The following ZNF469 variants were observed in gnomAD, a reference collection of about 807,000 sequenced individuals.
The protein encoded by ZNF469 is zinc finger protein 469.
ZNF469 carries 1 observed loss-of-function variant against 1.0 expected under a neutral mutation model. The observed-to-expected ratio is 1.00, with a 90% confidence interval of 0.35 to 4.73. ZNF469 has a LOEUF of 4.73. ZNF469 is among the 30% of genes most tolerant of loss of function. The pLI, the probability that ZNF469 is intolerant of heterozygous loss-of-function variation, is 0.16. For synonymous variants in ZNF469, 2,703 were observed against 2,363.4 expected, an observed-to-expected ratio of 1.14 and a Z score of -4.17; for missense variants, 6,100 against 5,356.3, an observed-to-expected ratio of 1.14 and a Z score of -4.33.
chr16:88,380,713 C>T (rs1020347746), upstream of ZNF469, among the ~76,000 whole-genome samples: 9 of 146,486 alleles, frequency 6.1e-5, no homozygotes, highest in Non-Finnish European at 1.3e-4. Flanking sequence ...CTCAGACATG[C>T]ACTCATACAC....
At chr16:88,227,904 G>A in the ZNF469 span, among the ~76,000 whole-genome samples, 1 of 152,056 alleles carries the variant, frequency 6.6e-6, no homozygotes, top group Non-Finnish European at 1.5e-5. Context: ...ATTATTATGG[G>A]ACCTTGGCTC....
At chr16:88,261,605 G>C in the ZNF469 span, among the ~76,000 whole-genome samples, 1 of 152,178 alleles carries the variant, frequency 6.6e-6, no homozygotes, top group African/African-American at 2.4e-5. This position sits in a 1 kb window ranked among gnomAD's most constrained non-coding sequence, Gnocchi z 6.0. Context: ...TCATTTTGGT[G>C]GATTGAGAAC....
chr16:88,122,451 G>A, the ZNF469 span, among the ~76,000 whole-genome samples: 73 of 149,986 alleles, frequency 4.9e-4, 2 homozygotes, highest in East Asian at 0.013. Flanking sequence ...CACTCGCTAC[G>A]GCCACGGCAG....
rs962477225 is a variant in ZNF469, at chr16:88,400,509, G to A, written c.-192+17255G>A. Among the ~76,000 whole-genome samples, 8 of 152,288 alleles carry A rather than the reference G, an allele frequency of 5.3e-5. No individual in the cohort carries two copies. The East Asian group carries it at 9.7e-4, about 18-fold the overall frequency. On this transcript the variant is annotated intron_variant, in intron 1 of 2. Coordinates refer to ENST00000565624, the MANE Select transcript of ZNF469 (RefSeq NM_001367624.2). ...TGTGGGTCTTGGAAGCAGTTTGCTC[G>A]TCCCTGCTTTCCGGAACCTCTAAGC...
chr16:88,412,766 A>G (rs1304375412), intron 1 of ZNF469, among the ~76,000 whole-genome samples: 3 of 152,238 alleles, frequency 2.0e-5, no homozygotes, highest in Non-Finnish European at 4.4e-5. Flanking sequence ...GAGAACGCTC[A>G]CACACCATAA....
At chr16:88,157,697 G>A in the ZNF469 span, among the ~76,000 whole-genome samples, 411 of 152,310 alleles carry the variant, frequency 2.7e-3, 1 homozygote, top group Admixed American at 3.1e-3. Flanking sequence ...GAAATGCCCA[G>A]CTCCCCGCTC....
At chr16:88,150,125 T>C in the ZNF469 span, among the ~76,000 whole-genome samples, 1 of 152,152 alleles carries the variant, frequency 6.6e-6, no homozygotes, top group African/African-American at 2.4e-5. Flanking sequence ...CTGGCCAACA[T>C]GGTGAAACCC....
the ZNF469 span, among the ~76,000 whole-genome samples, chr16:88,370,857 A>G: frequency 6.6e-6 from 1 of 152,258 alleles, no homozygotes; most frequent in Non-Finnish European, 1.5e-5. Flanking sequence ...TGCAAGTAGA[A>G]AAAGCTTGGA....
chr16:88,430,156 A>G lies in ZNF469; in HGVS notation c.2686A>G (p.Lys896Glu). The stretch of plus-strand genomic sequence containing the variant: ...CAAGGCGGGGGTGACTCCAGAGAGC[A>G]AAGCTCCGCCCCCGCTCCCAGCAGC... ...KSKAGVTPES[K>E]APPPLPAATP... Residue 896 changes from lysine (K) to glutamate (E), a missense_variant, in exon 3 of 3, where the codon AAA becomes GAA. By Grantham distance (56) the Lys-to-Glu change is moderately conservative. Transcript: ENST00000565624. 1.3e-6 allele frequency: 2 copies of G among 1,549,788 alleles called. No homozygotes were observed. Among genetic ancestry groups the G allele is most frequent in the Non-Finnish European group, 1.7e-6 (2 of 1,146,656 alleles).
the ZNF469 span, among the ~76,000 whole-genome samples, chr16:88,346,189 G>A: frequency 5.3e-5 from 8 of 152,196 alleles, no homozygotes; most frequent in African/African-American, 1.7e-4. Flanking sequence ...TCCATCCCAG[G>A]CCCGATTCTC....
In ZNF469 at chr16:88,437,978, G is replaced by T. The variant is rs1272685984; in HGVS notation, c.10508G>T (p.Gly3503Val). ...GGAAGCAGCCCCATCCTGAGTGAGG[G>T]CTCTCTCCCGGCCCTGCTCCACCTG... is the stretch of plus-strand genomic sequence containing the variant. ...PRGSSPILSEGSLPALLHLCS... is the reference protein window; with the variant it reads ...PRGSSPILSEVSLPALLHLCS... Residue 3503 changes from glycine (G) to valine (V), a missense_variant, in exon 3 of 3, where the codon GGC becomes GTC. Coordinates refer to ENST00000565624, the MANE Select transcript of ZNF469 (RefSeq NM_001367624.2). The T allele has an allele frequency of 6.5e-7, 1 of 1,547,692 alleles. No individual in the cohort carries two copies. The highest frequency in any genetic ancestry group is 1.4e-5 in the African/African-American group (1 of 73,156).
the ZNF469 span, among the ~76,000 whole-genome samples, chr16:88,279,639 G>A: frequency 8.9e-4 from 87 of 98,000 alleles, no homozygotes; most frequent in African/African-American, 5.9e-3. Context: ...ACTGACACTC[G>A]GTCAGTACCA....
At chr16:88,215,404 T>TTC in the ZNF469 span, among the ~76,000 whole-genome samples, 3 of 144,020 alleles carry the variant, frequency 2.1e-5, no homozygotes, top group Non-Finnish European at 4.5e-5. Context: ...TTTTTTTTTT[T>TTC]TTGAGACAGA....
intron 1 of ZNF469, among the ~76,000 whole-genome samples, chr16:88,414,637 C>A (rs538042752): frequency 6.6e-6 from 1 of 152,246 alleles, no homozygotes; most frequent in Non-Finnish European, 1.5e-5. Flanking sequence ...AGGTTGGCAC[C>A]GTAGAGGCCT....
chr16:88,227,110 C>A, the ZNF469 span, among the ~76,000 whole-genome samples: 1 of 117,764 alleles, frequency 8.5e-6, no homozygotes, highest in African/African-American at 3.6e-5. Flanking sequence ...GCGTTTCCAC[C>A]CGTCCCTCCT....
chr16:88,330,518 C>T, the ZNF469 span, among the ~76,000 whole-genome samples: 4 of 152,228 alleles, frequency 2.6e-5, no homozygotes, highest in Non-Finnish European at 5.9e-5. Flanking sequence ...AAAACAATGA[C>T]GTGTTGTGGT....
At chr16:88,305,557 C>A in the ZNF469 span, among the ~76,000 whole-genome samples, 1 of 150,942 alleles carries the variant, frequency 6.6e-6, no homozygotes. Context: ...TGTGCACACC[C>A]TCACACGTGC....
At chr16:88,159,493 G>A in the ZNF469 span, among the ~76,000 whole-genome samples, 2 of 152,174 alleles carry the variant, frequency 1.3e-5, no homozygotes, top group South Asian at 4.1e-4. Flanking sequence ...GCGCTTCAGG[G>A]ATCTGGGAAG....
At position 88,436,108 on chromosome 16, in the gene ZNF469, A is replaced by AAGC; in HGVS notation, c.8639_8641dup (p.Lys2880_Arg2881insGln). The AAGC allele has an allele frequency of 6.5e-7, 1 of 1,549,048 alleles. No individual in the cohort carries two copies. Among genetic ancestry groups the AAGC allele is most frequent in the Non-Finnish European group, 8.7e-7 (1 of 1,146,962 alleles). On this transcript the variant is annotated inframe_insertion, in exon 3 of 3. Coordinates refer to ENST00000565624, the MANE Select transcript of ZNF469 (RefSeq NM_001367624.2). ...AAAGAGGAACCCGCATGTCTACGGG[A>AAGC]AGCGCTGTGAGAAGCCGGTGCTCCC...
Sources: allele counts gnomAD v4.1 joint callset (sites outside exome capture counted in the v4.1 genomes callset), GRCh38; gene constraint gnomAD v4.1.1; non-coding constraint Gnocchi (gnomAD v3.1); transcripts MANE v1.5; gene names NCBI Gene and HGNC (gene_info 2026-07-23, HGNC 2026-07-21).